SLC17A1: variants seen among roughly 807,000 people sequenced by gnomAD.
The protein encoded by SLC17A1 is solute carrier family 17 member 1.
Under a neutral mutation model 53.5 loss-of-function variants are expected in SLC17A1, and 51 were observed. The ratio of observed to expected loss-of-function variants is 0.95; its 90% CI spans 0.76 to 1.20. SLC17A1 has a LOEUF of 1.20. SLC17A1 is among the 50% of genes most tolerant of loss of function. The pLI is 0.00. For missense variants in SLC17A1, 538 were observed against 568.2 expected, an observed-to-expected ratio of 0.95 and a Z score of 0.54; for synonymous variants, 179 against 198.8, an observed-to-expected ratio of 0.90 and a Z score of 0.84.
intron 10 of SLC17A1, among the ~76,000 whole-genome samples, chr6:25,805,886 C>CCAA (rs373740774): frequency 1.3e-4 from 20 of 151,450 alleles, no homozygotes; most frequent in Admixed American, 4.6e-4. Context: ...TAAAAAATTG[C>CCAA]CAACAACAAC....
At chr6:25,726,746 A>G in the SLC17A1 span, 3 of 1,107,920 alleles carry the variant, frequency 2.7e-6, no homozygotes, top group South Asian at 1.6e-5. Flanking sequence ...GGCCGTGCCT[A>G]TAAATACCGC....
the SLC17A1 span, among the ~76,000 whole-genome samples, chr6:25,740,227 G>T: frequency 6.6e-6 from 1 of 152,112 alleles, no homozygotes; most frequent in Admixed American, 6.5e-5. Context: ...TAAAGTCACA[G>T]GCTGGAGCAG....
chr6:25,823,421 T>C (rs889786527), intron 3 of SLC17A1, among the ~76,000 whole-genome samples: 3 of 152,152 alleles, frequency 2.0e-5, no homozygotes, highest in African/African-American at 7.2e-5. Flanking sequence ...TGTACCACAT[T>C]GCATTCTCAC....
rs1278937467 is a variant in SLC17A1, at chr6:25,819,876, T to A, written c.247A>T (p.Ile83Phe). 4 of 1,613,616 alleles carry A rather than the reference T, an allele frequency of 2.5e-6. No individual in the cohort carries two copies. Among genetic ancestry groups the A allele is most frequent in the Non-Finnish European group, 3.4e-6 (4 of 1,179,756 alleles). The change falls in exon 4 of 13, where the codon ATC becomes TTC. Residue 83 changes from isoleucine (I) to phenylalanine (F), a missense_variant. By Grantham distance (21) the Ile-to-Phe change is conservative. Coordinates refer to ENST00000244527, the MANE Select transcript of SLC17A1 (RefSeq NM_005074.5). ...ACACCATAGGAGGTGGAACTCAAGA[T>A]GATTCCCTGGATATCTGGGCTCCAA... ...YNWSPDIQGI[I>F]LSSTSYGVII...
chr6:25,789,400 T>C (rs1181469982), intron 12 of SLC17A1, among the ~76,000 whole-genome samples: 3 of 151,542 alleles, frequency 2.0e-5, no homozygotes, highest in Non-Finnish European at 4.4e-5. Context: ...ATGAAATATT[T>C]ACATAGTTCC....
chr6:25,732,023 C>T, the SLC17A1 span: 1 of 1,479,276 alleles, frequency 6.8e-7, no homozygotes, highest in Non-Finnish European at 9.2e-7. Context: ...CGTGGACCTG[C>T]TTCAGCAGCT....
the SLC17A1 span, chr6:25,770,857 A>T: frequency 1.2e-5 from 15 of 1,218,680 alleles, no homozygotes; most frequent in South Asian, 1.8e-4. Context: ...GCAACTCAGC[A>T]TTGTAGAAAG....
the SLC17A1 span, among the ~76,000 whole-genome samples, chr6:25,752,611 C>T: frequency 6.6e-6 from 1 of 152,164 alleles, no homozygotes; most frequent in African/African-American, 2.4e-5. Flanking sequence ...CTTTTTGACT[C>T]TGGTAATCAC....
At chr6:25,822,739 G>C (rs1309524374) in intron 3 of SLC17A1, among the ~76,000 whole-genome samples, 1 of 151,944 alleles carries the variant, frequency 6.6e-6, no homozygotes, top group Non-Finnish European at 1.5e-5. Context: ...TTAAACCAAA[G>C]CACTGGAATA....
At chr6:25,805,603 A>G (rs1763925031) in intron 10 of SLC17A1, among the ~76,000 whole-genome samples, 1 of 152,034 alleles carries the variant, frequency 6.6e-6, no homozygotes, top group Admixed American at 6.6e-5. Context: ...CTTTGAAGAG[A>G]TAAATTAGAT....
chr6:25,770,271 G>A, the SLC17A1 span: 1 of 1,614,090 alleles, frequency 6.2e-7, no homozygotes. Context: ...CTTGCTCATT[G>A]TCCTCCGGAT....
chr6:25,778,122 A>G, downstream of SLC17A1: 1 of 700,792 alleles, frequency 1.4e-6, no homozygotes, highest in Non-Finnish European at 2.3e-6. Flanking sequence ...TAAAGTAGTC[A>G]AAAATAAACT....
At chr6:25,820,830 T>C (rs1482209240) in intron 3 of SLC17A1, among the ~76,000 whole-genome samples, 2 of 135,312 alleles carry the variant, frequency 1.5e-5, no homozygotes, top group African/African-American at 2.9e-5. Context: ...ACCTGGGAGG[T>C]GGAGCTTGCA....
chr6:25,779,326 C>T (rs1464956961), downstream of SLC17A1: 6 of 1,246,112 alleles, frequency 4.8e-6, no homozygotes, highest in Admixed American at 5.3e-5. Flanking sequence ...TTTACCATGC[C>T]TGGAAATTTT....
chr6:25,740,786 C>CA, the SLC17A1 span, among the ~76,000 whole-genome samples: 1 of 152,134 alleles, frequency 6.6e-6, no homozygotes. Flanking sequence ...AAGTGTCCAT[C>CA]AATGGATGAC....
At position 25,798,869 on chromosome 6, in the gene SLC17A1, A is replaced by T. The variant is rs767998311; in HGVS notation, c.1320T>A (p.Asn440Lys). 6 of 1,607,896 alleles carry T rather than the reference A, an allele frequency of 3.7e-6. No homozygotes were observed. The South Asian group carries it at 5.6e-5, about 15-fold the overall frequency. The change falls in exon 12 of 13, where the codon AAT becomes AAA. Residue 440 changes from asparagine to lysine, a missense_variant. By Grantham distance (94) the Asn-to-Lys change is moderately conservative (BLOSUM62 0). Transcript: ENST00000244527. ...TAAGGTAGAAAATTAGGCCAGTCACATTAATGGCTGCCATCAGGATGAAGG... is the reference window on the plus strand; with the variant it reads ...TAAGGTAGAAAATTAGGCCAGTCACTTTAATGGCTGCCATCAGGATGAAGG... ...FKTFILMAAI[N>K]VTGLIFYLIV...
chr6:25,814,045 C>T (rs1278277645), intron 6 of SLC17A1, among the ~76,000 whole-genome samples: 1 of 152,154 alleles, frequency 6.6e-6, no homozygotes, highest in Non-Finnish European at 1.5e-5. Flanking sequence ...GACAGCTTAG[C>T]CTCAGCTATG....
chr6:25,769,108 G>C, the SLC17A1 span: 2 of 1,613,948 alleles, frequency 1.2e-6, no homozygotes, highest in Non-Finnish European at 1.7e-6. Flanking sequence ...GCCCCACCTA[G>C]CCAGCCCAAT....
intron 12 of SLC17A1, among the ~76,000 whole-genome samples, chr6:25,788,006 G>T (rs1265833700): frequency 2.6e-5 from 4 of 152,162 alleles, no homozygotes; most frequent in Admixed American, 6.5e-5. Context: ...GAGTGCATTA[G>T]TTTGTTACTG....
Sources: allele counts gnomAD v4.1 joint callset (sites outside exome capture counted in the v4.1 genomes callset), GRCh38; gene constraint gnomAD v4.1.1; transcripts MANE v1.5; gene names NCBI Gene and HGNC (gene_info 2026-07-23, HGNC 2026-07-21).